Variants in DCC observed in about 807,000 individuals in gnomAD.
DCC encodes the protein netrin receptor DCC.
DCC carries 58 observed loss-of-function variants against 172.5 expected under a neutral mutation model. The observed-to-expected ratio is 0.34, with a 90% CI of 0.27 to 0.42. The LOEUF is 0.42. Among genes scored for constraint, DCC ranks in the 10% least tolerant of loss-of-function variants. The pLI is 1.00. For missense variants in DCC, 1,740 were observed against 1,791.0 expected (o/e 0.97, Z 0.51); for synonymous variants, 709 against 644.5 (o/e 1.10, Z -1.52).
intron 1 of DCC, among the ~76,000 whole-genome samples, chr18:52,391,388 A>G (rs906604272): frequency 2.6e-5 from 4 of 152,046 alleles, no homozygotes; most frequent in Non-Finnish European, 5.9e-5. Flanking sequence ...ATCCAATTTT[A>G]TTTTCCTCTA....
intron 12 of DCC, among the ~76,000 whole-genome samples, chr18:53,293,468 G>A (rs186899863): frequency 1.0e-3 from 152 of 152,182 alleles, no homozygotes; most frequent in African/African-American, 3.3e-3. Context: ...GATTACTAGC[G>A]TTTTTTAAAT....
At chr18:52,497,291 A>ATGTGTG (rs753698393) in intron 1 of DCC, among the ~76,000 whole-genome samples, 3 of 60,002 alleles carry the variant, frequency 5.0e-5, no homozygotes, top group South Asian at 6.1e-4. Context: ...ATATATATAT[A>ATGTGTG]TATATATATA....
chr18:52,610,178 AATATATATATATATATATATATAT>A (rs1158849717), intron 1 of DCC, among the ~76,000 whole-genome samples: 2 of 14,080 alleles, frequency 1.4e-4, no homozygotes, highest in African/African-American at 7.9e-4. Context: ...AAAAAAAAAA[AATATATATATATATATATATATAT>A]ATATATATAT....
At chr18:53,104,245 C>G (rs2043213133) in intron 7 of DCC, among the ~76,000 whole-genome samples, 1 of 151,962 alleles carries the variant, frequency 6.6e-6, no homozygotes, top group Non-Finnish European at 1.5e-5. Flanking sequence ...TGGTTTGGCT[C>G]TGCGTCCCCA....
intron 2 of DCC, among the ~76,000 whole-genome samples, chr18:52,771,109 C>T (rs2037335162): frequency 6.6e-6 from 1 of 152,204 alleles, no homozygotes; most frequent in South Asian, 2.1e-4. Context: ...GTTCATGCCT[C>T]ACTGGGCCTG....
intron 7 of DCC, among the ~76,000 whole-genome samples, chr18:53,104,178 A>T (rs992387695): frequency 6.6e-6 from 1 of 151,990 alleles, no homozygotes; most frequent in Non-Finnish European, 1.5e-5. Context: ...TATAACAGTT[A>T]TAGAGCTTTA....
chr18:53,360,549 A>T (rs2057934688), intron 15 of DCC, among the ~76,000 whole-genome samples: 1 of 152,168 alleles, frequency 6.6e-6, no homozygotes, highest in Admixed American at 6.5e-5. Context: ...GAGAAAAAAA[A>T]GTGGCCATAC....
intron 1 of DCC, among the ~76,000 whole-genome samples, chr18:52,656,886 A>G (rs1458784870): frequency 6.6e-6 from 1 of 152,180 alleles, no homozygotes; most frequent in Non-Finnish European, 1.5e-5. Context: ...AAGTCAAAAC[A>G]TATGTCCCCA....
At position 52,774,167 on chromosome 18, in the gene DCC, A is replaced by T. The variant is rs2037388893; in HGVS notation, c.412+21793A>T. ...CAGCATCATCTGGGAACTTGTTAAA[A>T]ATGAAAATTGTTTAGCTTTATTCCA... On this transcript the variant is annotated intron_variant, in intron 2 of 28. Coordinates refer to ENST00000442544, the MANE Select transcript of DCC (RefSeq NM_005215.4). Among the ~76,000 whole-genome samples, 3 of 152,324 alleles carry T rather than the reference A, an allele frequency of 2.0e-5. No individual in the cohort carries two copies. In the South Asian group the frequency reaches 6.2e-4, roughly 32 times the overall value.
At chr18:52,692,264 A>G (rs913323551) in intron 1 of DCC, among the ~76,000 whole-genome samples, 1 of 152,134 alleles carries the variant, frequency 6.6e-6, no homozygotes, top group Non-Finnish European at 1.5e-5. Context: ...GATCTTTGCC[A>G]AGTATTTTAC....
intron 5 of DCC, among the ~76,000 whole-genome samples, chr18:53,014,246 T>C (rs189371204): frequency 2.0e-5 from 3 of 152,280 alleles, no homozygotes; most frequent in Admixed American, 6.5e-5. Context: ...CTTAAGCATA[T>C]ATTTGAAGTT....
intron 7 of DCC, among the ~76,000 whole-genome samples, chr18:53,070,242 C>T (rs1271827225): frequency 6.6e-6 from 1 of 152,032 alleles, no homozygotes; most frequent in East Asian, 1.9e-4. Context: ...TCAGGTGATC[C>T]ACCTGTCTCG....
At chr18:52,798,866 C>A (rs1367651624) in intron 2 of DCC, among the ~76,000 whole-genome samples, 3 of 151,978 alleles carry the variant, frequency 2.0e-5, no homozygotes, top group Non-Finnish European at 2.9e-5. Flanking sequence ...AATTCTCCTG[C>A]CTCAGCCTCC....
intron 12 of DCC, among the ~76,000 whole-genome samples, chr18:53,287,982 G>A (rs949724968): frequency 6.6e-6 from 1 of 152,074 alleles, no homozygotes; most frequent in Non-Finnish European, 1.5e-5. Flanking sequence ...CTTTGAGCAT[G>A]TACGCAATCC....
chr18:53,116,454 G>C (rs1384163076), intron 7 of DCC, among the ~76,000 whole-genome samples: 1 of 151,674 alleles, frequency 6.6e-6, no homozygotes, highest in Non-Finnish European at 1.5e-5. Flanking sequence ...CTTATGTTCC[G>C]TGTCTCCAGA....
intron 1 of DCC, among the ~76,000 whole-genome samples, chr18:52,715,998 C>T (rs1240548292): frequency 2.0e-5 from 3 of 152,108 alleles, no homozygotes; most frequent in East Asian, 3.9e-4. Flanking sequence ...CCCTTCAGTG[C>T]CTCTGTTTCC....
At chr18:52,681,353 T>A (rs191266892) in intron 1 of DCC, among the ~76,000 whole-genome samples, 165 of 152,118 alleles carry the variant, frequency 1.1e-3, no homozygotes, top group Non-Finnish European at 2.1e-3. Context: ...GGAATCCAAA[T>A]TTGCCAGTTA....
intron 13 of DCC, among the ~76,000 whole-genome samples, chr18:53,307,893 GTA>G (rs371050852): frequency 0.36 from 34,466 of 95,482 alleles, 6,402 homozygotes; most frequent in East Asian, 0.65. Flanking sequence ...CAATGTGTGT[GTA>G]TGTATATATA....
chr18:52,479,773 G>A (rs1598851117), intron 1 of DCC, among the ~76,000 whole-genome samples: 1 of 152,184 alleles, frequency 6.6e-6, no homozygotes, highest in East Asian at 1.9e-4. Context: ...AAATCAATAA[G>A]GAAAATGAAG....
Sources: gnomAD v4.1 joint callset for allele counts (sites outside exome capture counted in the v4.1 genomes callset) on GRCh38, gnomAD v4.1.1 for gene constraint, MANE v1.5 for transcripts, NCBI Gene and HGNC (gene_info 2026-07-23, HGNC 2026-07-21) for gene names.